Variants in PTPRK observed in about 807,000 individuals in gnomAD.
The protein encoded by PTPRK is protein tyrosine phosphatase receptor type K.
PTPRK carries 75 observed loss-of-function variants against 178.0 expected under a neutral mutation model. That is an observed-to-expected ratio of 0.42 (90% CI 0.35 to 0.51). The LOEUF is 0.51. Ranked by LOEUF, PTPRK falls within the 20% of genes least tolerant of loss-of-function variation. The pLI is 0.02. For missense variants in PTPRK, 1,441 were observed against 1,797.8 expected (o/e 0.80, Z 3.59); for synonymous variants, 637 against 620.6 (o/e 1.03, Z -0.39).
intron 6 of PTPRK, among the ~76,000 whole-genome samples, chr6:128,212,433 A>C (rs1422047317): frequency 2.6e-5 from 4 of 152,042 alleles, no homozygotes; most frequent in Admixed American, 1.3e-4. Context: ...AAAATGATTA[A>C]CAGATAGGGG....
At position 128,130,189 on chromosome 6, in the gene PTPRK, G is replaced by T. The variant is rs1366665792; in HGVS notation, c.1163-40197C>A. 7.2e-5 allele frequency among the ~76,000 whole-genome samples: 11 copies of T among 152,062 alleles called. No homozygotes were observed. The East Asian group carries it at 1.9e-3, about 27-fold the overall frequency. ...AATGTAATTTGTTCTAATTATTCTGGTTATAATTTTTCTATCTCACATTTT... is the reference window on the plus strand; with the variant it reads ...AATGTAATTTGTTCTAATTATTCTGTTTATAATTTTTCTATCTCACATTTT... On this transcript the variant is annotated intron_variant, in intron 7 of 29. Coordinates refer to ENST00000368226, the MANE Select transcript of PTPRK (RefSeq NM_002844.4).
At chr6:128,229,653 A>C (rs1416340079) in intron 5 of PTPRK, among the ~76,000 whole-genome samples, 1 of 152,318 alleles carries the variant, frequency 6.6e-6, no homozygotes, top group East Asian at 1.9e-4. Context: ...CATATCAAAA[A>C]GAATCAGGAG....
At chr6:128,270,990 G>A (rs757155476) in intron 3 of PTPRK, among the ~76,000 whole-genome samples, 47 of 151,996 alleles carry the variant, frequency 3.1e-4, no homozygotes, top group East Asian at 9.7e-4. Flanking sequence ...CGACTACTTC[G>A]ACTGTCCACT....
intron 3 of PTPRK, among the ~76,000 whole-genome samples, chr6:128,267,308 C>T (rs928322369): frequency 6.6e-6 from 1 of 152,012 alleles, no homozygotes; most frequent in Non-Finnish European, 1.5e-5. Context: ...ATTTTATGTC[C>T]TCTCTTATTT....
intron 1 of PTPRK, among the ~76,000 whole-genome samples, chr6:128,449,811 G>A (rs374352627): frequency 3.9e-5 from 6 of 151,950 alleles, no homozygotes; most frequent in East Asian, 3.9e-4. Context: ...AACTCTATAA[G>A]CTGGCTGGGT....
At chr6:128,475,013 C>T (rs1266221573) in intron 1 of PTPRK, among the ~76,000 whole-genome samples, 4 of 152,070 alleles carry the variant, frequency 2.6e-5, no homozygotes, top group Non-Finnish European at 5.9e-5. Context: ...ATGGGCCCAT[C>T]CTCTCTTGGT....
intron 1 of PTPRK, among the ~76,000 whole-genome samples, chr6:128,428,152 A>T (rs994262798): frequency 6.6e-6 from 1 of 152,162 alleles, no homozygotes; most frequent in African/African-American, 2.4e-5. Flanking sequence ...ATGAGAAATC[A>T]TATGAGAATC....
chr6:128,091,180 G>A (rs1786875158), intron 7 of PTPRK, among the ~76,000 whole-genome samples: 1 of 152,074 alleles, frequency 6.6e-6, no homozygotes, highest in Non-Finnish European at 1.5e-5. Flanking sequence ...TTTATCTTCG[G>A]TAGAATCTAA....
At chr6:128,085,459 A>C (rs961483812) in intron 8 of PTPRK, among the ~76,000 whole-genome samples, 2 of 152,252 alleles carry the variant, frequency 1.3e-5, no homozygotes, top group African/African-American at 4.8e-5. Context: ...TATCTCTCAT[A>C]GAAGGTGGCT....
At chr6:128,261,181 C>T (rs1295363771) in intron 3 of PTPRK, among the ~76,000 whole-genome samples, 2 of 151,998 alleles carry the variant, frequency 1.3e-5, no homozygotes, top group Non-Finnish European at 2.9e-5. Context: ...AAGAAAAACC[C>T]ATCAATTTTT....
At chr6:128,009,412 G>T in intron 13 of PTPRK, 144 bp from the exon 14 acceptor site, 1 of 705,592 alleles carries the variant, frequency 1.4e-6, no homozygotes, top group Non-Finnish European at 2.2e-6. Flanking sequence ...ACAGAAGCAT[G>T]CTAAAATACA....
chr6:128,341,812 A>T (rs1372849475), intron 2 of PTPRK, among the ~76,000 whole-genome samples: 1 of 152,224 alleles, frequency 6.6e-6, no homozygotes. Context: ...TGGAGAATAC[A>T]GGTTTATTTG....
intron 2 of PTPRK, among the ~76,000 whole-genome samples, chr6:128,354,127 A>G (rs1833574656): frequency 6.6e-6 from 1 of 151,784 alleles, no homozygotes; most frequent in Non-Finnish European, 1.5e-5. Flanking sequence ...ACCGTAAGGA[A>G]GCTAGCATAT....
At position 127,998,738 on chromosome 6, in the gene PTPRK, C is replaced by A; in HGVS notation, c.2661G>T (p.Gly887=). Residue 887 remains glycine, a synonymous_variant, in exon 16 of 30, where the codon GGG becomes GGT. Coordinates refer to ENST00000368226, the MANE Select transcript of PTPRK (RefSeq NM_002844.4). ...INLMKTSDSY[G]FKEEYESFFE... is the part of the protein sequence containing the mutation. ...TATTCACCTCATATTCCTCTTTGAA[C>A]CCATAGCTGTCTGATGTCTTCATGA... 2.5e-6 allele frequency: 4 copies of A among 1,590,224 alleles called. No individual in the cohort carries two copies. Among genetic ancestry groups the A allele is most frequent in the East Asian group, 2.3e-5 (1 of 44,176 alleles).
intron 2 of PTPRK, among the ~76,000 whole-genome samples, chr6:128,326,995 T>C (rs2128323613): frequency 6.6e-6 from 1 of 152,070 alleles, no homozygotes; most frequent in Non-Finnish European, 1.5e-5. Context: ...AATAACTAAA[T>C]ATTTCAAAAA....
chr6:128,348,140 C>T (rs1832664149), intron 2 of PTPRK, among the ~76,000 whole-genome samples: 2 of 152,012 alleles, frequency 1.3e-5, no homozygotes, highest in East Asian at 3.9e-4. Context: ...ATTATTATTA[C>T]AGAAACATGA....
At chr6:128,423,552 C>G (rs1013403543) in intron 1 of PTPRK, among the ~76,000 whole-genome samples, 1 of 149,768 alleles carries the variant, frequency 6.7e-6, no homozygotes, top group African/African-American at 2.6e-5. Context: ...ATAGATTGGC[C>G]AGGTGCAGTG....
intron 13 of PTPRK, among the ~76,000 whole-genome samples, chr6:128,054,782 C>T (rs571351439): frequency 6.6e-6 from 1 of 152,280 alleles, no homozygotes; most frequent in South Asian, 2.1e-4. Context: ...ATATCCCTAC[C>T]CTCAGAGAGC....
intron 1 of PTPRK, among the ~76,000 whole-genome samples, chr6:128,426,650 A>T (rs780722898): frequency 5.3e-5 from 8 of 152,208 alleles, no homozygotes; most frequent in African/African-American, 9.6e-5. Context: ...TCAAAGAAAA[A>T]CTTTGTAGTT....
Sources: allele counts gnomAD v4.1 joint callset (sites outside exome capture counted in the v4.1 genomes callset), GRCh38; gene constraint gnomAD v4.1.1; transcripts MANE v1.5; gene names NCBI Gene and HGNC (gene_info 2026-07-23, HGNC 2026-07-21).